The following HS2ST1 variants were observed in gnomAD, a reference collection of about 807,000 sequenced individuals.
HS2ST1 encodes the protein 2-O-sulfotransferase.
In HS2ST1, 18 loss-of-function variants were observed where a neutral mutation model predicts 42.9. The observed-to-expected ratio is 0.42, with a 90% confidence interval of 0.29 to 0.62. The LOEUF is 0.62. HS2ST1 is among the 20% of genes least tolerant of loss of function. The probability of loss-of-function intolerance (pLI) is 0.21; values close to 1 mark genes in which losing one functional copy is unlikely to be tolerated. For missense variants in HS2ST1, 334 were observed against 433.8 expected (o/e 0.77, Z 2.04); for synonymous variants, 146 against 152.9 (o/e 0.95, Z 0.33).
intron 1 of HS2ST1, among the ~76,000 whole-genome samples, chr1:86,969,982 A>G (rs1009629319): frequency 3.9e-5 from 6 of 152,018 alleles, no homozygotes; most frequent in Admixed American, 2.6e-4. Flanking sequence ...AAAATTAGCC[A>G]GGCGTGGTGG....
chr1:86,995,914 T>A (rs1649083282), intron 1 of HS2ST1, among the ~76,000 whole-genome samples: 1 of 152,104 alleles, frequency 6.6e-6, no homozygotes, highest in Non-Finnish European at 1.5e-5. Context: ...TCTGAAAAGG[T>A]GATAATTAAG....
chr1:86,948,703 T>C (rs1337334957), intron 1 of HS2ST1, among the ~76,000 whole-genome samples: 2 of 152,234 alleles, frequency 1.3e-5, no homozygotes, highest in Admixed American at 1.3e-4. Flanking sequence ...CAAAAAATAG[T>C]CTAACAATTA....
rs534051751 is a variant in HS2ST1 at position 86,945,641 on chromosome 1, A to G, written c.124+30481A>G. ...GCGACAATCTTGAACTTGTACTTAT[A>G]GACTAGGTGATTACTTTAACAGGGA... On this transcript the variant is annotated intron_variant, in intron 1 of 6. Transcript: ENST00000370550. Among the ~76,000 whole-genome samples, 101 of 152,338 alleles carry G rather than the reference A, an allele frequency of 6.6e-4. 1 individual carries two copies. Among genetic ancestry groups the G allele is most frequent in the Middle Eastern group, 6.8e-3 (2 of 294 alleles).
intron 1 of HS2ST1, among the ~76,000 whole-genome samples, chr1:86,952,577 A>T (rs1647556946): frequency 6.6e-6 from 1 of 152,246 alleles, no homozygotes; most frequent in South Asian, 2.1e-4. Flanking sequence ...TCTCTGATGC[A>T]TGGGTTGCAG....
chr1:86,937,560 CT>C, intron 1 of HS2ST1, among the ~76,000 whole-genome samples: 1 of 152,240 alleles, frequency 6.6e-6, no homozygotes, highest in East Asian at 1.9e-4. Context: ...TGAAAGAGGC[CT>C]TGGTTTTACT....
intron 1 of HS2ST1, among the ~76,000 whole-genome samples, chr1:87,002,213 G>T (rs937906098): frequency 6.6e-5 from 10 of 152,152 alleles, no homozygotes; most frequent in Non-Finnish European, 1.5e-5. Context: ...TGCCCGGCCG[G>T]ACTATTGTAT....
chr1:87,010,888 C>T lies in HS2ST1; in HGVS notation c.125-62046C>T, dbSNP rs887241798. On this transcript the variant is annotated intron_variant, in intron 1 of 6. Coordinates refer to ENST00000370550, the MANE Select transcript of HS2ST1 (RefSeq NM_012262.4). ...GCAGCTTCCACTTCCCGGGTTCAAGCGATTCTCCTGCCTCAGCCTCCTGAG... is the reference window on the plus strand; with the variant it reads ...GCAGCTTCCACTTCCCGGGTTCAAGTGATTCTCCTGCCTCAGCCTCCTGAG... Among the ~76,000 whole-genome samples the T allele has an allele frequency of 4.6e-5, 7 of 152,084 alleles. No homozygotes were observed. The East Asian group carries it at 9.7e-4, about 21-fold the overall frequency.
At chr1:86,921,102 T>A (rs192196723) in intron 1 of HS2ST1, among the ~76,000 whole-genome samples, 75 of 152,288 alleles carry the variant, frequency 4.9e-4, no homozygotes, top group African/African-American at 1.7e-3. Context: ...AAAAAAAAAC[T>A]ATCTTGGTAA....
intron 1 of HS2ST1, among the ~76,000 whole-genome samples, chr1:87,057,215 C>T (rs1650991712): frequency 6.6e-6 from 1 of 152,114 alleles, no homozygotes; most frequent in African/African-American, 2.4e-5. Flanking sequence ...AAATGTTTCT[C>T]AATTTTAATT....
At chr1:87,086,120 G>A (rs1281660301) in intron 3 of HS2ST1, among the ~76,000 whole-genome samples, 1 of 152,092 alleles carries the variant, frequency 6.6e-6, no homozygotes, top group Non-Finnish European at 1.5e-5. Flanking sequence ...TAGCTTAATA[G>A]CCATATGCTC....
chr1:87,104,379 A>G, intron 6 of HS2ST1, 91 bp from the exon 7 acceptor site: 2 of 805,270 alleles, frequency 2.5e-6, no homozygotes, highest in Non-Finnish European at 4.1e-6. Context: ...AATGTGTCAT[A>G]TTAACCACCT....
chr1:86,982,372 G>A (rs1648620975), intron 1 of HS2ST1, among the ~76,000 whole-genome samples: 1 of 152,126 alleles, frequency 6.6e-6, no homozygotes, highest in Admixed American at 6.5e-5. Context: ...TTCCTCCCCA[G>A]AAAATGACTT....
In HS2ST1 at chr1:87,008,201, A is replaced by G. The variant is rs545469723; in HGVS notation, c.125-64733A>G. Among the ~76,000 whole-genome samples, 148 of 152,316 alleles carry G rather than the reference A, an allele frequency of 9.7e-4. 1 individual carries two copies. Among genetic ancestry groups the G allele is most frequent in the African/African-American group, 3.2e-3 (131 of 41,570 alleles). On this transcript the variant is annotated intron_variant, in intron 1 of 6. Transcript: ENST00000370550. ...TTAAATCTCAAGAGAAGCAAAGTCA[A>G]TTTACCTGAAATTATATTGAGATAT...
intron 1 of HS2ST1, among the ~76,000 whole-genome samples, chr1:87,068,409 T>C (rs549846543): frequency 1.3e-5 from 2 of 152,336 alleles, no homozygotes; most frequent in African/African-American, 4.8e-5. Context: ...ATTGATTTTG[T>C]ATCCTGAGAC....
chr1:86,915,748 C>T (rs1237443557), intron 1 of HS2ST1, among the ~76,000 whole-genome samples: 1 of 152,120 alleles, frequency 6.6e-6, no homozygotes, highest in African/African-American at 2.4e-5. Flanking sequence ...GGAGGCTGGC[C>T]GGGTAGTGCG....
intron 1 of HS2ST1, among the ~76,000 whole-genome samples, chr1:86,990,033 TGC>T (rs1648897621): frequency 6.6e-6 from 1 of 152,052 alleles, no homozygotes; most frequent in African/African-American, 2.4e-5. Context: ...AACATGTGTG[TGC>T]ATGTGTCTTT....
chr1:86,975,485 T>C (rs1570458067), intron 1 of HS2ST1, among the ~76,000 whole-genome samples: 1 of 152,172 alleles, frequency 6.6e-6, no homozygotes, highest in East Asian at 1.9e-4. Flanking sequence ...TATAGCTATG[T>C]AGCTACTAAT....
At chr1:86,967,734 G>C (rs934909250) in intron 1 of HS2ST1, among the ~76,000 whole-genome samples, 5 of 152,186 alleles carry the variant, frequency 3.3e-5, no homozygotes, top group Non-Finnish European at 7.4e-5. Flanking sequence ...TACCTTTGCA[G>C]TTGTGAATTG....
intron 4 of HS2ST1, among the ~76,000 whole-genome samples, chr1:87,095,824 A>G (rs568083183): frequency 4.3e-4 from 66 of 152,302 alleles, no homozygotes; most frequent in African/African-American, 1.5e-3. Context: ...TATTAAAACA[A>G]TAGTAAAGCC....
Sources: gnomAD v4.1 joint callset for allele counts (sites outside exome capture counted in the v4.1 genomes callset) on GRCh38, gnomAD v4.1.1 for gene constraint, MANE v1.5 for transcripts, NCBI Gene and HGNC (gene_info 2026-07-23, HGNC 2026-07-21) for gene names.